The following CACNB2 variants were observed in gnomAD, a reference collection of about 807,000 sequenced individuals.
The protein encoded by CACNB2 is voltage-dependent L-type calcium channel subunit beta-2.
In CACNB2, 42 loss-of-function variants were observed where a neutral mutation model predicts 73.3. The observed-to-expected ratio is 0.57, with a 90% CI of 0.45 to 0.74. CACNB2 has a LOEUF of 0.74. CACNB2 is among the 30% of genes least tolerant of loss of function. The pLI is 0.00. For synonymous variants in CACNB2, 348 were observed against 310.3 expected, an observed-to-expected ratio of 1.12 and a Z score of -1.28; for missense variants, 940 against 853.0, an observed-to-expected ratio of 1.10 and a Z score of -1.27.
chr10:18,465,760 C>T (rs184546944), intron 3 of CACNB2, among the ~76,000 whole-genome samples: 1 of 151,804 alleles, frequency 6.6e-6, no homozygotes, highest in Non-Finnish European at 1.5e-5. Flanking sequence ...CAGATCACTG[C>T]AACCTCTGCC....
intron 2 of CACNB2, among the ~76,000 whole-genome samples, chr10:18,173,672 TG>T (rs1210731270): frequency 1.3e-5 from 2 of 152,202 alleles, no homozygotes; most frequent in African/African-American, 4.8e-5. Flanking sequence ...TGAATCACTG[TG>T]GGTTCTGAAT....
intron 2 of CACNB2, among the ~76,000 whole-genome samples, chr10:18,297,533 G>A (rs1034096676): frequency 9.8e-5 from 15 of 152,286 alleles, no homozygotes; most frequent in African/African-American, 3.6e-4. Context: ...ATTCCGGCCT[G>A]GATGACAGAG....
At chr10:18,258,694 C>T (rs918673922) in intron 2 of CACNB2, among the ~76,000 whole-genome samples, 2 of 151,956 alleles carry the variant, frequency 1.3e-5, no homozygotes, top group African/African-American at 4.8e-5. Context: ...CCACTGCACT[C>T]GAGCCTGGGT....
chr10:18,505,426 C>A (rs1217584275), intron 5 of CACNB2, among the ~76,000 whole-genome samples: 2 of 152,130 alleles, frequency 1.3e-5, no homozygotes, highest in Non-Finnish European at 2.9e-5. Flanking sequence ...AGCCCTCCTG[C>A]TAATTGCCTA....
intron 3 of CACNB2, among the ~76,000 whole-genome samples, chr10:18,442,964 ATATATGTG>A (rs1332163597): frequency 2.5e-4 from 6 of 24,090 alleles, no homozygotes; most frequent in South Asian, 1.4e-3. Context: ...ATATGTATAT[ATATATGTG>A]TATATATATA....
intron 2 of CACNB2, among the ~76,000 whole-genome samples, chr10:18,303,666 A>G (rs2039617464): frequency 6.6e-6 from 1 of 152,196 alleles, no homozygotes; most frequent in South Asian, 2.1e-4. Flanking sequence ...ATTTTCTGCT[A>G]CTTTTTCAGT....
intron 2 of CACNB2, among the ~76,000 whole-genome samples, chr10:18,220,791 C>T (rs1284930245): frequency 6.6e-6 from 1 of 152,110 alleles, no homozygotes; most frequent in African/African-American, 2.4e-5. Flanking sequence ...ATCCAGGTTG[C>T]GCGTTCCTTA....
intron 2 of CACNB2, among the ~76,000 whole-genome samples, chr10:18,189,064 C>A (rs1161281305): frequency 6.6e-6 from 1 of 152,144 alleles, no homozygotes; most frequent in East Asian, 1.9e-4. Flanking sequence ...TGGGCTCAAG[C>A]CATCCTCTTG....
intron 2 of CACNB2, among the ~76,000 whole-genome samples, chr10:18,198,411 A>G (rs578046145): frequency 1.3e-5 from 2 of 152,238 alleles, no homozygotes; most frequent in Non-Finnish European, 2.9e-5. Context: ...GCTAGTAGCC[A>G]TCAATCTTCA....
At chr10:18,148,825 T>G (rs925109433) in intron 1 of CACNB2, among the ~76,000 whole-genome samples, 2 of 151,930 alleles carry the variant, frequency 1.3e-5, no homozygotes, top group Admixed American at 6.6e-5. Context: ...TGAGACCCTG[T>G]CTCTACAAAA....
intron 2 of CACNB2, chr10:18,260,489 C>G (rs1588874550): frequency 2.0e-5 from 20 of 985,482 alleles, no homozygotes; most frequent in Non-Finnish European, 2.2e-5. Context: ...TTGAGCGAGT[C>G]AGGTCCTGAG....
At chr10:18,412,165 C>A (rs1038157312) in intron 3 of CACNB2, among the ~76,000 whole-genome samples, 1 of 152,108 alleles carries the variant, frequency 6.6e-6, no homozygotes, top group African/African-American at 2.4e-5. Context: ...AGAGCAAGCT[C>A]CAAGGGGGTG....
In CACNB2 at chr10:18,301,991, C is replaced by T. The variant is rs530415487; in HGVS notation, c.214-99933C>T. Reference sequence around the variant, plus strand: ...GAAGGAGATGAATATGTCACACTTCCTGGAACCCAAGAAAATAACCCAAAT... The same window carrying T: ...GAAGGAGATGAATATGTCACACTTCTTGGAACCCAAGAAAATAACCCAAAT... On this transcript the variant is annotated intron_variant, in intron 2 of 13. Transcript: ENST00000324631. Among the ~76,000 whole-genome samples the T allele has an allele frequency of 2.6e-5, 4 of 152,150 alleles. No individual in the cohort carries two copies. In the South Asian group the frequency reaches 8.3e-4, roughly 32 times the overall value.
chr10:18,356,844 G>T (rs1193514673), intron 2 of CACNB2, among the ~76,000 whole-genome samples: 5 of 151,560 alleles, frequency 3.3e-5, no homozygotes, highest in African/African-American at 1.2e-4. Flanking sequence ...TGCCCAGGCT[G>T]GTCTCGAACT....
rs140058852 is a variant in CACNB2 at position 18,509,601 on chromosome 10, C to T, written c.670+3054C>T. Among the ~76,000 whole-genome samples, 761 of 152,166 alleles carry T rather than the reference C, an allele frequency of 5.0e-3. 6 individuals are homozygous for T. The highest frequency in any genetic ancestry group is 6.4e-3 in the Non-Finnish European group (433 of 67,998). On this transcript the variant is annotated intron_variant, in intron 6 of 13. Coordinates refer to ENST00000324631, the MANE Select transcript of CACNB2 (RefSeq NM_201596.3). ...ATCACTTGAGCCCAGGAGTTCAAGACCAGCCTGGACAATGTAAGTGAGACC... is the reference window on the plus strand; with the variant it reads ...ATCACTTGAGCCCAGGAGTTCAAGATCAGCCTGGACAATGTAAGTGAGACC...
intron 2 of CACNB2, among the ~76,000 whole-genome samples, chr10:18,357,278 C>G (rs939203199): frequency 6.6e-6 from 1 of 152,140 alleles, no homozygotes; most frequent in African/African-American, 2.4e-5. Flanking sequence ...CAGCACTCGT[C>G]CTTTATCATC....
chr10:18,514,447 G>C, intron 7 of CACNB2, 78 bp downstream of exon 7: 4 of 1,613,736 alleles, frequency 2.5e-6, no homozygotes, highest in Non-Finnish European at 3.4e-6. Flanking sequence ...TTGACTGTCT[G>C]CGTCCTTTGA....
chr10:18,455,010 C>G (rs2047206427), intron 3 of CACNB2, among the ~76,000 whole-genome samples: 1 of 148,196 alleles, frequency 6.7e-6, no homozygotes, highest in African/African-American at 2.5e-5. Context: ...CCACTGCAGC[C>G]TTGGGTGACA....
At chr10:18,459,340 A>G (rs2047445888) in intron 3 of CACNB2, among the ~76,000 whole-genome samples, 1 of 152,138 alleles carries the variant, frequency 6.6e-6, no homozygotes. Context: ...CTTTGGAACA[A>G]TTTTGAAGGA....
Sources: allele counts gnomAD v4.1 joint callset (sites outside exome capture counted in the v4.1 genomes callset), GRCh38; gene constraint gnomAD v4.1.1; transcripts MANE v1.5; gene names NCBI Gene and HGNC (gene_info 2026-07-23, HGNC 2026-07-21).